The following RORB variants were observed in gnomAD, a reference collection of about 807,000 sequenced individuals.
The protein encoded by RORB is nuclear receptor ROR-beta.
In RORB, 6 loss-of-function variants were observed where a neutral mutation model predicts 59.1. The observed-to-expected ratio is 0.10, with a 90% CI of 0.06 to 0.20. The LOEUF (loss-of-function observed/expected upper bound fraction) is 0.20, where lower values mean the gene tolerates loss of function less well. Ranked by LOEUF, RORB falls within the 10% of genes least tolerant of loss-of-function variation. The pLI is 1.00. For synonymous variants in RORB, 215 were observed against 204.5 expected, an observed-to-expected ratio of 1.05 and a Z score of -0.44; for missense variants, 320 against 560.5, an observed-to-expected ratio of 0.57 and a Z score of 4.33.
chr9:74,609,610 G>A (rs1479921949), intron 1 of RORB, among the ~76,000 whole-genome samples: 2 of 152,122 alleles, frequency 1.3e-5, no homozygotes, highest in African/African-American at 2.4e-5. Context: ...TTCAGACACC[G>A]TCACCTGTGC....
At chr9:74,653,862 T>C (rs1824036118) in intron 4 of RORB, among the ~76,000 whole-genome samples, 1 of 152,176 alleles carries the variant, frequency 6.6e-6, no homozygotes, top group South Asian at 2.1e-4. Context: ...CGCTGAGTGG[T>C]TGAAATCAGA....
chr9:74,625,792 C>T (rs552020925), intron 1 of RORB, among the ~76,000 whole-genome samples: 1 of 151,974 alleles, frequency 6.6e-6, no homozygotes, highest in Non-Finnish European at 1.5e-5. Flanking sequence ...TTAAAATGCC[C>T]AGAATATAGG....
intron 1 of RORB, among the ~76,000 whole-genome samples, chr9:74,613,171 T>C (rs1441285103): frequency 6.6e-6 from 1 of 152,238 alleles, no homozygotes; most frequent in Non-Finnish European, 1.5e-5. Flanking sequence ...CTATGTTTAC[T>C]GAATTCCCAG....
At chr9:74,672,848 C>A (rs1455784873) in intron 9 of RORB, among the ~76,000 whole-genome samples, 1 of 152,008 alleles carries the variant, frequency 6.6e-6, no homozygotes, top group Admixed American at 6.6e-5. Flanking sequence ...TCATAGGAAT[C>A]CTACTCTTTA....
At chr9:74,538,045 T>C (rs1218519126) in intron 1 of RORB, among the ~76,000 whole-genome samples, 2 of 152,082 alleles carry the variant, frequency 1.3e-5, no homozygotes, top group East Asian at 3.8e-4. Context: ...ATACTCTATT[T>C]TTACTATACC....
chr9:74,524,252 AG>A (rs955104623), intron 1 of RORB, among the ~76,000 whole-genome samples: 2 of 151,740 alleles, frequency 1.3e-5, no homozygotes, highest in African/African-American at 4.8e-5. Context: ...CTTGAAGAAA[AG>A]TGGGGTTCCA....
chr9:74,539,650 A>C (rs1325317048), intron 1 of RORB, among the ~76,000 whole-genome samples: 1 of 152,144 alleles, frequency 6.6e-6, no homozygotes, highest in East Asian at 1.9e-4. Context: ...GCAACAAAAA[A>C]ATGATACAAA....
intron 1 of RORB, among the ~76,000 whole-genome samples, chr9:74,616,378 T>G (rs1236476128): frequency 6.6e-6 from 1 of 152,208 alleles, no homozygotes; most frequent in Admixed American, 6.5e-5. Flanking sequence ...AAGTTCCTGA[T>G]CAAACTAAAC....
chr9:74,528,425 C>T (rs533874151), intron 1 of RORB, among the ~76,000 whole-genome samples: 17 of 151,990 alleles, frequency 1.1e-4, no homozygotes, highest in Non-Finnish European at 2.4e-4. Context: ...CTCGCACAGC[C>T]GTCCGTCTGG....
chr9:74,657,831 C>T (rs1048302855), intron 4 of RORB, among the ~76,000 whole-genome samples: 2 of 151,692 alleles, frequency 1.3e-5, no homozygotes, highest in African/African-American at 2.4e-5. Context: ...GTGAGGAAAC[C>T]CTGTCTCTAC....
intron 1 of RORB, among the ~76,000 whole-genome samples, chr9:74,561,645 TCA>T (rs1160129498): frequency 1.3e-5 from 2 of 152,150 alleles, no homozygotes; most frequent in African/African-American, 2.4e-5. Flanking sequence ...TACAGAGAGT[TCA>T]CACACAGCCT....
chr9:74,628,802 T>C (rs1267755578), intron 1 of RORB, among the ~76,000 whole-genome samples: 4 of 152,344 alleles, frequency 2.6e-5, no homozygotes, highest in Middle Eastern at 3.4e-3. Flanking sequence ...TGTATAATTT[T>C]AACAACTCTT....
At chr9:74,545,222 C>G (rs1007094549) in intron 1 of RORB, among the ~76,000 whole-genome samples, 10 of 151,650 alleles carry the variant, frequency 6.6e-5, no homozygotes. Flanking sequence ...ACTCACAGGC[C>G]CTCCCTTCCA....
intron 6 of RORB, 43 bp from the exon 7 acceptor site, chr9:74,665,445 T>C (rs778394039): frequency 3.4e-6 from 4 of 1,187,212 alleles, no homozygotes; most frequent in Non-Finnish European, 4.8e-6. Flanking sequence ...TGGATATATA[T>C]GTGTATTTTT....
intron 7 of RORB, among the ~76,000 whole-genome samples, chr9:74,666,309 A>T (rs1824263869): frequency 1.3e-5 from 2 of 151,578 alleles, no homozygotes; most frequent in African/African-American, 4.9e-5. Context: ...TAAATAAATA[A>T]AATTAGCTGG....
intron 1 of RORB, among the ~76,000 whole-genome samples, chr9:74,574,264 C>G (rs1270461783): frequency 6.6e-6 from 1 of 152,056 alleles, no homozygotes; most frequent in African/African-American, 2.4e-5. Flanking sequence ...CAGGGGTCCT[C>G]CGTAAATACA....
chr9:74,627,527 G>A (rs1294619051), intron 1 of RORB, among the ~76,000 whole-genome samples: 2 of 152,150 alleles, frequency 1.3e-5, no homozygotes, highest in Non-Finnish European at 2.9e-5. Flanking sequence ...AGTTGTGTAA[G>A]ATAACCTCTG....
At chr9:74,527,532 G>A (rs1418515440) in intron 1 of RORB, among the ~76,000 whole-genome samples, 4 of 152,006 alleles carry the variant, frequency 2.6e-5, no homozygotes, top group Admixed American at 6.6e-5. Flanking sequence ...TCAAAAGGAT[G>A]CATTGCAGGG....
intron 1 of RORB, among the ~76,000 whole-genome samples, chr9:74,626,570 T>C (rs1355586182): frequency 6.6e-6 from 1 of 152,210 alleles, no homozygotes; most frequent in African/African-American, 2.4e-5. Flanking sequence ...GGAATACTAT[T>C]GTTGAATAAA....
Sources: gnomAD v4.1 joint callset for allele counts (sites outside exome capture counted in the v4.1 genomes callset) on GRCh38, gnomAD v4.1.1 for gene constraint, MANE v1.5 for transcripts, NCBI Gene and HGNC (gene_info 2026-07-23, HGNC 2026-07-21) for gene names.